The following GIP variants were observed in gnomAD, a reference collection of about 807,000 sequenced individuals.
The protein encoded by GIP is gastric inhibitory polypeptide, also known as glucose-dependent insulinotropic polypeptide.
A neutral mutation model predicts 18.1 loss-of-function variants in GIP; 16 were observed. The observed-to-expected ratio is 0.88, with a 90% CI of 0.60 to 1.34. GIP has a LOEUF of 1.34. GIP is among the 40% of genes most tolerant of loss of function. The probability of loss-of-function intolerance (pLI) is 0.00; values close to 1 mark genes in which losing one functional copy is unlikely to be tolerated. For synonymous variants in GIP, 76 were observed against 74.0 expected, an observed-to-expected ratio of 1.03 and a Z score of -0.14; for missense variants, 192 against 183.4, an observed-to-expected ratio of 1.05 and a Z score of -0.27.
intron 5 of GIP, among the ~76,000 whole-genome samples, chr17:48,959,047 G>C (rs58274617): frequency 0.13 from 19,894 of 151,832 alleles, 2,409 homozygotes; most frequent in East Asian, 0.69. Context: ...ATAGAGACAG[G>C]GTTTCACTGT....
At chr17:48,966,616 G>A (rs1184072192) in intron 2 of GIP, among the ~76,000 whole-genome samples, 1 of 151,680 alleles carries the variant, frequency 6.6e-6, no homozygotes, top group Non-Finnish European at 1.5e-5. Context: ...TCATAAGCCT[G>A]GGTAACATGG....
At chr17:48,962,400 C>T (rs1464159199) in intron 3 of GIP, among the ~76,000 whole-genome samples, 5 of 151,192 alleles carry the variant, frequency 3.3e-5, no homozygotes, top group African/African-American at 9.7e-5. Flanking sequence ...GACGGAGTCT[C>T]GCTCTGTTGC....
At chr17:48,964,946 T>C (rs2041227173) in intron 2 of GIP, among the ~76,000 whole-genome samples, 1 of 151,236 alleles carries the variant, frequency 6.6e-6, no homozygotes, top group Admixed American at 6.6e-5. Flanking sequence ...GAGACCATCC[T>C]GGCTAACACA....
At chr17:48,964,275 C>G in intron 3 of GIP, 35 bp downstream of exon 3, 1 of 1,578,924 alleles carries the variant, frequency 6.3e-7, no homozygotes, top group Non-Finnish European at 8.7e-7. Context: ...CAGAGCCCGG[C>G]ACAGGGAACA....
chr17:48,963,494 G>GA (rs34922855), intron 3 of GIP, among the ~76,000 whole-genome samples: 3,847 of 129,374 alleles, frequency 0.03, 132 homozygotes, highest in African/African-American at 0.094. Context: ...TGTCTCTACT[G>GA]AAAAAAAAAA....
Position 48,958,683 on chromosome 17 carries a change from G to C in GIP, c.*24C>G. On this transcript the variant is annotated 3_prime_UTR_variant, in exon 6 of 6. Transcript: ENST00000357424. Reference sequence around the variant, plus strand: ...GGTGCTAAGTGAAGGGCAGAATCCAGTCCTGAGCTGGGTGTGGTCAGAGTC... The same window carrying C: ...GGTGCTAAGTGAAGGGCAGAATCCACTCCTGAGCTGGGTGTGGTCAGAGTC... The C allele has an allele frequency of 6.4e-7, 1 of 1,573,600 alleles. No homozygotes were observed. The highest frequency in any genetic ancestry group is 1.2e-5 in the South Asian group (1 of 85,586).
intron 3 of GIP, among the ~76,000 whole-genome samples, chr17:48,963,325 G>C (rs2041211416): frequency 1.3e-5 from 2 of 151,764 alleles, no homozygotes; most frequent in Non-Finnish European, 2.9e-5. Context: ...AGGAGTTCGA[G>C]ACCTGCCTGA....
rs372897977 is a variant in GIP at position 48,958,597 on chromosome 17, G to A, written c.*110C>T. The stretch of plus-strand genomic sequence containing the variant: ...TTTAATAAATTTTCACAATGGGCTC[G>A]ACTTAGCATAAACTTTATTGGTTTG... On this transcript the variant is annotated 3_prime_UTR_variant, in exon 6 of 6. Coordinates refer to ENST00000357424, the MANE Select transcript of GIP (RefSeq NM_004123.3). 18 of 857,602 alleles carry A rather than the reference G, an allele frequency of 2.1e-5. No individual in the cohort carries two copies. The highest frequency in any genetic ancestry group is 1.5e-4 in the South Asian group (10 of 68,184). The allele number at this position is 857,602 out of a possible 1,614,324, so 53.1% of individuals were successfully genotyped here. A position where few individuals can be genotyped will look rare whatever the true frequency, so the allele number is the denominator to read the frequency against.
At position 48,961,714 on chromosome 17, in the gene GIP, C is replaced by A; in HGVS notation, c.350+13G>T. 6.4e-7 allele frequency: 1 copy of A among 1,570,240 alleles called. No homozygotes were observed. The highest frequency in any genetic ancestry group is 8.7e-7 in the Non-Finnish European group (1 of 1,143,132). On this transcript the variant is annotated intron_variant, in intron 4 of 5. Coordinates refer to ENST00000357424, the MANE Select transcript of GIP (RefSeq NM_004123.3). ...GGCTTGGCTCCCTCCCTTCCCTCTG[C>A]GCCCTGACTCACCTCTGTGGCTCCA...
At chr17:48,966,603 C>T (rs2041237355) in intron 2 of GIP, among the ~76,000 whole-genome samples, 1 of 150,908 alleles carries the variant, frequency 6.6e-6, no homozygotes, top group African/African-American at 2.4e-5. Context: ...AAAAAGAATG[C>T]ATTCATAAGC....
rs761410381 is a variant in GIP, at chr17:48,964,323, C to G, written c.244G>C (p.Gly82Arg). 6.2e-7 allele frequency: 1 copy of G among 1,613,624 alleles called. No individual in the cohort carries two copies. Among genetic ancestry groups the G allele is most frequent in the East Asian group, 2.2e-5 (1 of 44,876 alleles). The change falls in exon 3 of 6, where the codon GGG (glycine) becomes CGG (arginine). Residue 82 changes from glycine to arginine, a missense_variant. Coordinates refer to ENST00000357424, the MANE Select transcript of GIP (RefSeq NM_004123.3). ...DFVNWLLAQK[G>R]KKNDWKHNIT... ...GCAGCGACTCACTCATTCTTCTTCC[C>G]CTTTTGGGCCAGCAGCCAGTTCACA...
At chr17:48,958,886 G>A (rs951868179) in intron 5 of GIP, among the ~76,000 whole-genome samples, 170 bp from the exon 6 acceptor site, 24 of 145,620 alleles carry the variant, frequency 1.6e-4, no homozygotes, top group Non-Finnish European at 3.0e-4. Flanking sequence ...ACGGAGTCTC[G>A]CTCTGTCGCC....
At chr17:48,964,825 C>T (rs905462748) in intron 2 of GIP, among the ~76,000 whole-genome samples, 1 of 152,160 alleles carries the variant, frequency 6.6e-6, no homozygotes, top group African/African-American at 2.4e-5. Context: ...GAAATCCCGT[C>T]TCTACTAATA....
chr17:48,964,824 T>G (rs1417177846), intron 2 of GIP, among the ~76,000 whole-genome samples: 1 of 152,064 alleles, frequency 6.6e-6, no homozygotes, highest in Non-Finnish European at 1.5e-5. Context: ...AGAAATCCCG[T>G]CTCTACTAAT....
intron 2 of GIP, among the ~76,000 whole-genome samples, chr17:48,966,838 A>G (rs1244155636): frequency 6.6e-6 from 1 of 152,110 alleles, no homozygotes; most frequent in African/African-American, 2.4e-5. Flanking sequence ...GAAAAGAAAG[A>G]AGCAAACATG....
In GIP at chr17:48,961,888, A is replaced by T. The variant is rs2041202664; in HGVS notation, c.258-69T>A. ...CAGTCTAGGGACACTTGAATCTTTT[A>T]ATATCTGAACCCCAAAAGCAGAGGG... On this transcript the variant is annotated intron_variant, in intron 3 of 5. Coordinates refer to ENST00000357424, the MANE Select transcript of GIP (RefSeq NM_004123.3). The T allele has an allele frequency of 2.6e-6, 3 of 1,133,736 alleles. No individual in the cohort carries two copies. The Admixed American group carries it at 5.8e-5, about 22-fold the overall frequency. The allele number at this position is 1,133,736 out of a possible 1,614,324, so 70.2% of individuals were successfully genotyped here.
intron 4 of GIP, among the ~76,000 whole-genome samples, chr17:48,961,397 G>T (rs1293738482): frequency 6.6e-6 from 1 of 152,140 alleles, no homozygotes; most frequent in Non-Finnish European, 1.5e-5. Flanking sequence ...CCGAGGTTTG[G>T]CAGGGAGAGG....
At chr17:48,966,201 G>A (rs901942940) in intron 2 of GIP, among the ~76,000 whole-genome samples, 36 of 148,610 alleles carry the variant, frequency 2.4e-4, no homozygotes, top group Middle Eastern at 3.3e-3. Flanking sequence ...AGGTTGCAGT[G>A]AGCCAAGATC....
chr17:48,960,972 G>A lies in GIP; in HGVS notation c.366C>T (p.Asn122=). 2 of 1,607,448 alleles carry A rather than the reference G, an allele frequency of 1.2e-6. No individual in the cohort carries two copies. Among genetic ancestry groups the A allele is most frequent in the Admixed American group, 1.7e-5 (1 of 59,006 alleles). ...CCCGCAGCAAATCTTCATCGCTGGGGTTCTTGGCTGGGGAGCTGCAAGGGA... is the reference window on the plus strand; with the variant it reads ...CCCGCAGCAAATCTTCATCGCTGGGATTCTTGGCTGGGGAGCTGCAAGGGA... The part of the protein sequence containing the change: ...AVEPQSSPAK[N]PSDEDLLRDL... The change falls in exon 5 of 6, where the codon AAC becomes AAT. Residue 122 remains asparagine, a synonymous_variant. Transcript: ENST00000357424.
Sources: allele counts gnomAD v4.1 joint callset (sites outside exome capture counted in the v4.1 genomes callset), GRCh38; gene constraint gnomAD v4.1.1; transcripts MANE v1.5; gene names NCBI Gene and HGNC (gene_info 2026-07-23, HGNC 2026-07-21).